Variants in BICC1 observed in about 807,000 individuals in gnomAD.
BICC1 encodes the protein protein bicaudal C homolog 1.
A neutral mutation model predicts 111.0 loss-of-function variants in BICC1; 43 were observed. The observed-to-expected ratio is 0.39, with a 90% CI of 0.30 to 0.50. The LOEUF (loss-of-function observed/expected upper bound fraction) is 0.50. BICC1 is among the 20% of genes least tolerant of loss of function. BICC1 has a pLI of 0.88. For synonymous variants in BICC1, 467 were observed against 434.4 expected (o/e 1.07, Z -0.93); for missense variants, 1,091 against 1,203.2 (o/e 0.91, Z 1.38).
intron 2 of BICC1, among the ~76,000 whole-genome samples, chr10:58,663,208 A>G (rs1402947922): frequency 6.6e-6 from 1 of 151,284 alleles, no homozygotes; most frequent in Non-Finnish European, 1.5e-5. Context: ...CTGGGACTTC[A>G]TGTTCATGCC....
chr10:58,645,709 T>C (rs2132229921), intron 2 of BICC1, among the ~76,000 whole-genome samples: 1 of 152,326 alleles, frequency 6.6e-6, no homozygotes, highest in East Asian at 1.9e-4. Flanking sequence ...TGAAGTTAAA[T>C]TTTCTTCGCC....
chr10:58,768,285 C>T (rs909952519), intron 3 of BICC1, among the ~76,000 whole-genome samples: 2 of 152,064 alleles, frequency 1.3e-5, no homozygotes, highest in Admixed American at 6.6e-5. Flanking sequence ...CCACGGGTCA[C>T]GAAGGAGTGG....
At chr10:58,779,243 A>C (rs954911572) in intron 3 of BICC1, among the ~76,000 whole-genome samples, 3 of 152,238 alleles carry the variant, frequency 2.0e-5, no homozygotes, top group Non-Finnish European at 4.4e-5. Flanking sequence ...AATAGAAGCC[A>C]TATTAGATGG....
At chr10:58,628,598 G>A (rs771495447) in intron 2 of BICC1, among the ~76,000 whole-genome samples, 86 of 151,862 alleles carry the variant, frequency 5.7e-4, no homozygotes, top group African/African-American at 1.9e-3. Context: ...CATTCTTTTC[G>A]CTTTCAGTAG....
At chr10:58,786,831 TTTG>T in intron 4 of BICC1, 89 bp from the exon 5 acceptor site, 1 of 965,892 alleles carries the variant, frequency 1.0e-6, no homozygotes, top group Non-Finnish European at 1.4e-6. Flanking sequence ...TGACTTGCTT[TTTG>T]TTAATACCAT....
intron 3 of BICC1, among the ~76,000 whole-genome samples, chr10:58,774,511 AGTT>A (rs1385433691): frequency 2.6e-5 from 4 of 152,240 alleles, no homozygotes; most frequent in African/African-American, 9.6e-5. Context: ...ATAAAAGTAT[AGTT>A]GTTCATAATG....
At chr10:58,547,384 T>G (rs1307133664) in intron 1 of BICC1, among the ~76,000 whole-genome samples, 2 of 152,168 alleles carry the variant, frequency 1.3e-5, no homozygotes, top group South Asian at 2.1e-4. Context: ...CTCATGATTA[T>G]GTATTTTTGG....
chr10:58,737,715 A>G (rs553201144), intron 3 of BICC1, among the ~76,000 whole-genome samples: 2 of 151,374 alleles, frequency 1.3e-5, no homozygotes, highest in Admixed American at 6.6e-5. Flanking sequence ...AGTACCACCA[A>G]TGGTGCTATT....
chr10:58,542,624 G>A (rs898180981), intron 1 of BICC1, among the ~76,000 whole-genome samples: 6 of 151,776 alleles, frequency 4.0e-5, no homozygotes, highest in African/African-American at 1.2e-4. Flanking sequence ...TCTCATAACG[G>A]GTACATAACC....
At chr10:58,571,789 G>A (rs377713811) in intron 1 of BICC1, among the ~76,000 whole-genome samples, 54 of 152,006 alleles carry the variant, frequency 3.6e-4, no homozygotes, top group African/African-American at 9.7e-4. Flanking sequence ...GAAAAATGGC[G>A]CAGTGAACAT....
intron 3 of BICC1, among the ~76,000 whole-genome samples, chr10:58,724,834 T>G (rs558346947): frequency 3.9e-5 from 6 of 152,170 alleles, no homozygotes; most frequent in Non-Finnish European, 7.3e-5. Context: ...TCTATTTTCC[T>G]TGCACCTCCG....
intron 1 of BICC1, among the ~76,000 whole-genome samples, chr10:58,583,832 C>A (rs1844355129): frequency 6.6e-6 from 1 of 152,056 alleles, no homozygotes; most frequent in Non-Finnish European, 1.5e-5. Context: ...ACTTTTAGAT[C>A]TTAAGGAATC....
intron 1 of BICC1, among the ~76,000 whole-genome samples, chr10:58,567,553 G>A (rs1413146131): frequency 6.6e-6 from 1 of 150,436 alleles, no homozygotes; most frequent in Non-Finnish European, 1.5e-5. Context: ...TCTTTTAGGG[G>A]ATATATATAT....
At position 58,560,113 on chromosome 10, in the gene BICC1, A is replaced by AT. The variant is rs548530987; in HGVS notation, c.190+46786dup. The stretch of plus-strand genomic sequence containing the variant: ...GTTAGGAAGAATTACCTCCTCTTCA[A>AT]TTTTTTGGAGTGATTTGAGAAGAAT... On this transcript the variant is annotated intron_variant, in intron 1 of 20. Coordinates refer to ENST00000373886, the MANE Select transcript of BICC1 (RefSeq NM_001080512.3). Among the ~76,000 whole-genome samples, 1,156 of 151,888 alleles carry AT rather than the reference A, an allele frequency of 7.6e-3. 8 individuals are homozygous for AT. Among genetic ancestry groups the AT allele is most frequent in the Non-Finnish European group, 0.013 (850 of 67,894 alleles).
At chr10:58,624,551 CAA>C (rs1845926755) in intron 2 of BICC1, among the ~76,000 whole-genome samples, 1 of 151,916 alleles carries the variant, frequency 6.6e-6, no homozygotes, top group Admixed American at 6.6e-5. Flanking sequence ...AATTGACATG[CAA>C]AAAGAGAAAA....
chr10:58,741,341 G>T (rs1473538115), intron 3 of BICC1, among the ~76,000 whole-genome samples: 1 of 152,156 alleles, frequency 6.6e-6, no homozygotes, highest in East Asian at 1.9e-4. Context: ...CTTTAACCTT[G>T]TAACAGCCCC....
chr10:58,642,728 A>T (rs899060478), intron 2 of BICC1, among the ~76,000 whole-genome samples: 2 of 148,644 alleles, frequency 1.3e-5, no homozygotes, highest in Non-Finnish European at 3.0e-5. Context: ...TTATTGAGGC[A>T]GGATCTTGCT....
chr10:58,738,680 G>A (rs1229028344), intron 3 of BICC1, among the ~76,000 whole-genome samples: 2 of 140,026 alleles, frequency 1.4e-5, no homozygotes, highest in Admixed American at 7.3e-5. Flanking sequence ...ACCTGGGGCA[G>A]TATGGCCATT....
chr10:58,659,697 C>T (rs527768527), intron 2 of BICC1, among the ~76,000 whole-genome samples: 3 of 152,102 alleles, frequency 2.0e-5, no homozygotes, highest in East Asian at 3.9e-4. Context: ...TGCACATGTA[C>T]CCCTGAAACC....
Sources: allele counts gnomAD v4.1 joint callset (sites outside exome capture counted in the v4.1 genomes callset), GRCh38; gene constraint gnomAD v4.1.1; transcripts MANE v1.5; gene names NCBI Gene and HGNC (gene_info 2026-07-23, HGNC 2026-07-21).